FILIP1L: variants seen among roughly 807,000 people sequenced by gnomAD.
The protein encoded by FILIP1L is filamin A interacting protein 1 like.
Under a neutral mutation model 96.6 loss-of-function variants are expected in FILIP1L, and 55 were observed. The observed-to-expected ratio is 0.57, with a 90% confidence interval of 0.46 to 0.71. FILIP1L has a LOEUF of 0.71. Among genes scored for constraint, FILIP1L ranks in the 30% least tolerant of loss-of-function variants. FILIP1L has a pLI of 0.00. For synonymous variants in FILIP1L, 467 were observed against 473.9 expected (o/e 0.99, Z 0.19); for missense variants, 1,304 against 1,321.2 (o/e 0.99, Z 0.20).
At chr3:99,928,657 T>C (rs1576579354) in intron 3 of FILIP1L, among the ~76,000 whole-genome samples, 2 of 152,208 alleles carry the variant, frequency 1.3e-5, no homozygotes, top group East Asian at 3.8e-4. Flanking sequence ...CATTTCACAC[T>C]GAAGTGTTGA....
intron 1 of FILIP1L, among the ~76,000 whole-genome samples, chr3:100,060,147 G>A (rs926357578): frequency 2.0e-5 from 3 of 151,966 alleles, no homozygotes; most frequent in African/African-American, 7.3e-5. Context: ...TCACATGGTG[G>A]GTGGGCTACG....
At chr3:99,873,464 T>A (rs1265855786) in intron 4 of FILIP1L, among the ~76,000 whole-genome samples, 1 of 152,200 alleles carries the variant, frequency 6.6e-6, no homozygotes, top group Non-Finnish European at 1.5e-5. Context: ...ACAGTTCTCT[T>A]CTTGCCCCTC....
rs1414828507 is a variant in FILIP1L at position 99,829,908 on chromosome 3, C to T, written c.*506G>A. Among the ~76,000 whole-genome samples, 1 of 152,148 alleles carries T rather than the reference C, an allele frequency of 6.6e-6. No individual in the cohort carries two copies. Among genetic ancestry groups the T allele is most frequent in the Non-Finnish European group, 1.5e-5 (1 of 68,034 alleles). ...AGAATTATCACTTTGCTTTTTCCCT[C>T]CTGGTCATAAAGAAATCATAGTTTT... On this transcript the variant is annotated 3_prime_UTR_variant, in exon 6 of 6. Transcript: ENST00000477258.
rs75578908 is a variant in FILIP1L, at chr3:100,038,928, G to A, written c.-11+75125C>T. 4.6e-3 allele frequency among the ~76,000 whole-genome samples: 698 copies of A among 152,166 alleles called. 7 individuals carry two copies. The highest frequency in any genetic ancestry group is 0.016 in the African/African-American group (673 of 41,530). On this transcript the variant is annotated intron_variant, in intron 1 of 5. Coordinates refer to ENST00000477258, the MANE Select transcript of FILIP1L (RefSeq NM_001387850.1). ...GTAATAAAAAGAAGAAAGAATGAAC[G>A]TACATGTTTGTCTGCATATGTATAA... is the stretch of plus-strand genomic sequence containing the variant.
intron 1 of FILIP1L, among the ~76,000 whole-genome samples, chr3:100,075,413 T>G (rs575761622): frequency 1.1e-4 from 17 of 152,172 alleles, no homozygotes; most frequent in Non-Finnish European, 2.4e-4. Context: ...TCCACTTTTA[T>G]TTTAGGAAGC....
chr3:99,863,129 G>A (rs965621128), intron 4 of FILIP1L, among the ~76,000 whole-genome samples: 1 of 152,162 alleles, frequency 6.6e-6, no homozygotes, highest in Non-Finnish European at 1.5e-5. Flanking sequence ...AGAGGGTGGT[G>A]GTGGTGGATG....
rs137927202 is a variant in FILIP1L at position 99,939,741 on chromosome 3, T to C, written c.-10-8711A>G. Among the ~76,000 whole-genome samples the C allele has an allele frequency of 1.9e-4, 29 of 152,318 alleles. 1 individual carries two copies. In the East Asian group the frequency reaches 5.2e-3, roughly 27 times the overall value. ...CAGGTGAATGCTTGTAATGATACCTTTCACATGCATGTTTCTTGATACATC... is the reference window on the plus strand; with the variant it reads ...CAGGTGAATGCTTGTAATGATACCTCTCACATGCATGTTTCTTGATACATC... On this transcript the variant is annotated intron_variant, in intron 1 of 5. Coordinates refer to ENST00000477258, the MANE Select transcript of FILIP1L (RefSeq NM_001387850.1).
chr3:99,968,945 A>G (rs1708733669), intron 1 of FILIP1L, among the ~76,000 whole-genome samples: 1 of 143,274 alleles, frequency 7.0e-6, no homozygotes. Flanking sequence ...TCTGGGGTGC[A>G]ACCCAGGTTC....
At chr3:99,929,826 C>G in intron 3 of FILIP1L, 30 bp downstream of exon 3, 3 of 1,548,578 alleles carry the variant, frequency 1.9e-6, no homozygotes, top group Non-Finnish European at 2.6e-6. Flanking sequence ...TGGCTGCCTC[C>G]CAGGTACACA....
chr3:99,844,571 T>A (rs1445060211), intron 5 of FILIP1L, among the ~76,000 whole-genome samples: 1 of 152,164 alleles, frequency 6.6e-6, no homozygotes. Flanking sequence ...CTAAAACGTT[T>A]TTATTGGGAG....
At chr3:100,009,432 T>C (rs1011532226) in intron 1 of FILIP1L, among the ~76,000 whole-genome samples, 3 of 152,200 alleles carry the variant, frequency 2.0e-5, no homozygotes, top group Admixed American at 2.0e-4. Flanking sequence ...TCAAAGACAT[T>C]AATGGACCAT....
chr3:99,892,078 TCTG>T (rs1364051812), intron 4 of FILIP1L, among the ~76,000 whole-genome samples: 1 of 152,216 alleles, frequency 6.6e-6, no homozygotes, highest in East Asian at 1.9e-4. Flanking sequence ...TCTAAGAGCT[TCTG>T]CTATGCTTTT....
intron 1 of FILIP1L, among the ~76,000 whole-genome samples, chr3:100,014,897 T>TTC (rs1412068845): frequency 1.2e-3 from 121 of 101,068 alleles, no homozygotes; most frequent in East Asian, 1.7e-3. Flanking sequence ...CTTTCTTTCT[T>TTC]TTTTTTTTTT....
chr3:99,982,877 G>A (rs1709169382), intron 1 of FILIP1L, among the ~76,000 whole-genome samples: 1 of 152,162 alleles, frequency 6.6e-6, no homozygotes, highest in Admixed American at 6.5e-5. Context: ...TTCATATAAT[G>A]TAGGCTTGCA....
In FILIP1L at chr3:99,985,963, A is replaced by C. The variant is rs116560621; in HGVS notation, c.-10-54933T>G. 4.5e-3 allele frequency among the ~76,000 whole-genome samples: 686 copies of C among 152,318 alleles called. 7 individuals are homozygous for C. Among genetic ancestry groups the C allele is most frequent in the African/African-American group, 0.016 (672 of 41,566 alleles). ...GGGGTTAAAGTCAGTATGACCACAG[A>C]ACACATTTGTACCACAATACTTTGA... On this transcript the variant is annotated intron_variant, in intron 1 of 5. Transcript: ENST00000477258.
At chr3:100,042,117 T>C (rs1301218170) in intron 1 of FILIP1L, among the ~76,000 whole-genome samples, 1 of 152,194 alleles carries the variant, frequency 6.6e-6, no homozygotes, top group East Asian at 1.9e-4. Flanking sequence ...AATTCTGGAA[T>C]TTGACCTTTA....
intron 5 of FILIP1L, among the ~76,000 whole-genome samples, chr3:99,831,504 T>C (rs2107484827): frequency 6.6e-6 from 1 of 152,320 alleles, no homozygotes; most frequent in South Asian, 2.1e-4. Context: ...AACTTGGAGA[T>C]CAGGACATTT....
chr3:99,984,050 GTA>G (rs202165148), intron 1 of FILIP1L, among the ~76,000 whole-genome samples: 1 of 151,032 alleles, frequency 6.6e-6, no homozygotes. Context: ...GGATGTATAT[GTA>G]TGTGTGTTTG....
chr3:100,109,446 C>T (rs1388460765), intron 1 of FILIP1L, among the ~76,000 whole-genome samples: 2 of 152,156 alleles, frequency 1.3e-5, no homozygotes, highest in Non-Finnish European at 2.9e-5. Context: ...AGTTCCATCA[C>T]CCGAGATGTT....
Sources: allele counts gnomAD v4.1 joint callset (sites outside exome capture counted in the v4.1 genomes callset), GRCh38; gene constraint gnomAD v4.1.1; transcripts MANE v1.5; gene names NCBI Gene and HGNC (gene_info 2026-07-23, HGNC 2026-07-21).